DACH1: variants seen among roughly 807,000 people sequenced by gnomAD.
The protein encoded by DACH1 is dachshund homolog 1.
A neutral mutation model predicts 54.2 loss-of-function variants in DACH1; 12 were observed. The ratio of observed to expected loss-of-function variants is 0.22; its 90% CI spans 0.14 to 0.36. The LOEUF (loss-of-function observed/expected upper bound fraction) is 0.36, where lower values mean the gene tolerates loss of function less well. DACH1 is among the 10% of genes least tolerant of loss of function. DACH1 has a pLI of 1.00. For synonymous variants in DACH1, 386 were observed against 366.2 expected, an observed-to-expected ratio of 1.05 and a Z score of -0.62; for missense variants, 805 against 929.8, an observed-to-expected ratio of 0.87 and a Z score of 1.75.
At chr13:71,807,598 A>G (rs1029360888) in intron 1 of DACH1, among the ~76,000 whole-genome samples, 8 of 152,250 alleles carry the variant, frequency 5.3e-5, no homozygotes, top group Admixed American at 5.2e-4. Flanking sequence ...TTAAGTTTTT[A>G]TTTTAAGCTA....
intron 4 of DACH1, among the ~76,000 whole-genome samples, chr13:71,560,873 G>T (rs763125016): frequency 1.1e-4 from 17 of 152,066 alleles, no homozygotes; most frequent in Admixed American, 2.0e-4. Context: ...AACTGTCTTT[G>T]TAATAATAAA....
chr13:71,700,219 A>G (rs1172608217), intron 1 of DACH1, among the ~76,000 whole-genome samples: 1 of 152,110 alleles, frequency 6.6e-6, no homozygotes, highest in East Asian at 1.9e-4. Flanking sequence ...AAAGGCAAAG[A>G]AAAAAATTGA....
At chr13:71,647,075 AC>A (rs1245152757) in intron 2 of DACH1, among the ~76,000 whole-genome samples, 3 of 152,244 alleles carry the variant, frequency 2.0e-5, no homozygotes, top group Non-Finnish European at 4.4e-5. Flanking sequence ...TATTTAAATA[AC>A]GAAAATGATT....
chr13:71,496,261 GTATATATATATATATATA>G (rs35142229), intron 6 of DACH1, among the ~76,000 whole-genome samples: 3,401 of 37,216 alleles, frequency 0.091, 222 homozygotes, highest in Middle Eastern at 0.12. Context: ...AAATTGCTAT[GTATATATATATATATATA>G]TATATATATA....
At chr13:71,794,811 G>A (rs1189719852) in intron 1 of DACH1, among the ~76,000 whole-genome samples, 1 of 152,116 alleles carries the variant, frequency 6.6e-6, no homozygotes, top group African/African-American at 2.4e-5. Context: ...TGACATTCAA[G>A]TACAAAATCT....
chr13:71,504,972 A>C (rs1880195675), intron 6 of DACH1, among the ~76,000 whole-genome samples: 1 of 152,194 alleles, frequency 6.6e-6, no homozygotes, highest in South Asian at 2.1e-4. Flanking sequence ...TTCACAATGA[A>C]ATCAATTAAT....
At chr13:71,717,995 C>T (rs1189042015) in intron 1 of DACH1, among the ~76,000 whole-genome samples, 1 of 151,696 alleles carries the variant, frequency 6.6e-6, no homozygotes, top group East Asian at 1.9e-4. Flanking sequence ...CTTTTGCTAC[C>T]CAAAGACTCT....
intron 1 of DACH1, among the ~76,000 whole-genome samples, chr13:71,687,422 C>T (rs1566432837): frequency 6.6e-6 from 1 of 151,424 alleles, no homozygotes; most frequent in Non-Finnish European, 1.5e-5. Flanking sequence ...CAGATATGGG[C>T]GTATCAGAGC....
intron 1 of DACH1, among the ~76,000 whole-genome samples, chr13:71,721,227 T>C (rs1162275955): frequency 6.6e-6 from 1 of 152,134 alleles, no homozygotes; most frequent in African/African-American, 2.4e-5. Context: ...CATTGTTTTC[T>C]CCCAACTAGG....
intron 1 of DACH1, among the ~76,000 whole-genome samples, chr13:71,687,354 G>A (rs184625222): frequency 3.3e-5 from 5 of 151,992 alleles, no homozygotes; most frequent in African/African-American, 1.2e-4. Flanking sequence ...ATAAGTTTAT[G>A]GTAACATACA....
rs183183882 is a variant in DACH1, at chr13:71,616,558, G to A, written c.1126+13998C>T. On this transcript the variant is annotated intron_variant, in intron 3 of 10. Transcript: ENST00000613252. Reference sequence around the variant, plus strand: ...GGCCAGGAGTTCCAGGCTAACCTGGGCAACAATGTCTCTACAAGAAAAAGA... The same window carrying A: ...GGCCAGGAGTTCCAGGCTAACCTGGACAACAATGTCTCTACAAGAAAAAGA... Among the ~76,000 whole-genome samples, 402 of 152,104 alleles carry A rather than the reference G, an allele frequency of 2.6e-3. 1 individual carries two copies. Among genetic ancestry groups the A allele is most frequent in the Admixed American group, 4.4e-3 (67 of 15,272 alleles).
chr13:71,577,895 C>T (rs1885632702), intron 3 of DACH1, among the ~76,000 whole-genome samples: 1 of 151,970 alleles, frequency 6.6e-6, no homozygotes, highest in South Asian at 2.1e-4. Flanking sequence ...TAGTCTTAGT[C>T]CAAATAATTA....
intron 1 of DACH1, among the ~76,000 whole-genome samples, chr13:71,716,187 G>A (rs891137106): frequency 6.6e-6 from 1 of 151,788 alleles, no homozygotes; most frequent in Admixed American, 6.6e-5. Context: ...ATCTTCTATT[G>A]ATTCTGCCTA....
At chr13:71,830,527 A>G (rs1888545177) in intron 1 of DACH1, among the ~76,000 whole-genome samples, 1 of 151,898 alleles carries the variant, frequency 6.6e-6, no homozygotes, top group Non-Finnish European at 1.5e-5. Flanking sequence ...TCACCTACTT[A>G]AGCATATATA....
chr13:71,668,834 A>G (rs1411755760), intron 2 of DACH1, among the ~76,000 whole-genome samples: 1 of 152,106 alleles, frequency 6.6e-6, no homozygotes, highest in Non-Finnish European at 1.5e-5. Flanking sequence ...CTGAGGCAGG[A>G]GAATTGCTTG....
chr13:71,719,796 T>C (rs923316624), intron 1 of DACH1, among the ~76,000 whole-genome samples: 8 of 151,948 alleles, frequency 5.3e-5, no homozygotes, highest in African/African-American at 1.4e-4. Context: ...GCACAGGAGG[T>C]TGAGGCTGCA....
chr13:71,646,602 CTATTTGA>C (rs1030150386), intron 2 of DACH1, among the ~76,000 whole-genome samples: 19 of 152,124 alleles, frequency 1.2e-4, no homozygotes. Flanking sequence ...GTTGATCCAT[CTATTTGA>C]TCAAGTTTAA....
intron 6 of DACH1, among the ~76,000 whole-genome samples, chr13:71,502,269 T>A (rs1445919056): frequency 6.6e-6 from 1 of 152,132 alleles, no homozygotes; most frequent in Admixed American, 6.5e-5. Flanking sequence ...TTATGATTAT[T>A]TGTGATTATC....
At chr13:71,700,451 G>A (rs1882068429) in intron 1 of DACH1, among the ~76,000 whole-genome samples, 1 of 151,458 alleles carries the variant, frequency 6.6e-6, no homozygotes, top group South Asian at 2.1e-4. Context: ...AGCTACTCAA[G>A]AGGCTGAGGC....
Sources: allele counts gnomAD v4.1 joint callset (sites outside exome capture counted in the v4.1 genomes callset), GRCh38; gene constraint gnomAD v4.1.1; transcripts MANE v1.5; gene names NCBI Gene and HGNC (gene_info 2026-07-23, HGNC 2026-07-21).